The following RBFOX3 variants were observed in gnomAD, a reference collection of about 807,000 sequenced individuals.
The protein encoded by RBFOX3 is RNA binding fox-1 homolog 3.
In RBFOX3, 17 loss-of-function variants were observed where a neutral mutation model predicts 48.7. The ratio of observed to expected loss-of-function variants is 0.35; its 90% CI spans 0.24 to 0.52. RBFOX3 has a LOEUF of 0.52. RBFOX3 is among the 20% of genes least tolerant of loss of function. The pLI, the probability that RBFOX3 is intolerant of heterozygous loss-of-function variation, is 0.94. For missense variants in RBFOX3, 382 were observed against 497.5 expected, an observed-to-expected ratio of 0.77 and a Z score of 2.21; for synonymous variants, 212 against 209.5, an observed-to-expected ratio of 1.01 and a Z score of -0.10.
At chr17:79,420,170 C>T (rs1404056844) in intron 2 of RBFOX3, among the ~76,000 whole-genome samples, 2 of 82,748 alleles carry the variant, frequency 2.4e-5, no homozygotes, top group African/African-American at 7.8e-5. Context: ...CACACACACA[C>T]ACACAAAAGA....
At chr17:79,261,751 G>A (rs191295266) in intron 3 of RBFOX3, among the ~76,000 whole-genome samples, 300 of 152,304 alleles carry the variant, frequency 2.0e-3, no homozygotes, top group African/African-American at 6.9e-3. Flanking sequence ...GGGGACCTTG[G>A]TGTGAAACCA....
At chr17:79,153,037 G>T (rs1414713181) in intron 4 of RBFOX3, among the ~76,000 whole-genome samples, 2 of 152,200 alleles carry the variant, frequency 1.3e-5, no homozygotes, top group African/African-American at 2.4e-5. Context: ...TGCAGGGCAG[G>T]ACATCTGCCC....
chr17:79,154,884 G>A (rs2045421483), intron 4 of RBFOX3, among the ~76,000 whole-genome samples: 2 of 146,138 alleles, frequency 1.4e-5, no homozygotes, highest in South Asian at 2.3e-4. Context: ...CAGGTGGGCA[G>A]GACATCCCCA....
chr17:79,159,707 G>C (rs2046553603), intron 4 of RBFOX3, among the ~76,000 whole-genome samples: 1 of 151,982 alleles, frequency 6.6e-6, no homozygotes, highest in South Asian at 2.1e-4. Context: ...CACACACACA[G>C]AGTGACGTGC....
intron 2 of RBFOX3, among the ~76,000 whole-genome samples, chr17:79,319,447 A>C (rs1470424617): frequency 6.6e-6 from 1 of 152,218 alleles, no homozygotes; most frequent in Non-Finnish European, 1.5e-5. Context: ...GGCTCGGCCT[A>C]CTTTCAGCCT....
rs368963249 is a variant in RBFOX3, at chr17:79,275,123, C to CCTCT, written c.-74+32597_-74+32600dup. ...CTCTCTGCCTCTCTCTCCATGTCTCCCTCTCTCTCTCTCTCTCTCTCTCTC... is the reference window on the plus strand; with the variant it reads ...CTCTCTGCCTCTCTCTCCATGTCTCCCTCTCTCTCTCTCTCTCTCTCTCTCTCTC... On this transcript the variant is annotated intron_variant, in intron 3 of 14. Coordinates refer to ENST00000693108, the MANE Select transcript of RBFOX3 (RefSeq NM_001350451.2). Among the ~76,000 whole-genome samples, 981 of 130,632 alleles carry CCTCT rather than the reference C, an allele frequency of 7.5e-3. 19 individuals are homozygous for CCTCT. The highest frequency in any genetic ancestry group is 0.024 in the African/African-American group (795 of 33,758). 85.7% of individuals were successfully genotyped at this position (130,632 alleles called of 152,430 possible).
intron 1 of RBFOX3, among the ~76,000 whole-genome samples, chr17:79,554,424 CCT>C: frequency 8.6e-6 from 1 of 115,902 alleles, no homozygotes; most frequent in Non-Finnish European, 1.7e-5. Flanking sequence ...CACAGTCACC[CCT>C]CACCTGGCCC....
At position 79,151,990 on chromosome 17, in the gene RBFOX3, A is replaced by G. The variant is rs917342888; in HGVS notation, c.-33-36242T>C. On this transcript the variant is annotated intron_variant, in intron 4 of 14. Transcript: ENST00000693108. Reference sequence around the variant, plus strand: ...GGAGCTCCCACATCCCCCATCCCCAAGGCCCCCTGTCCCGCAGGGGAGAAC... The same window carrying G: ...GGAGCTCCCACATCCCCCATCCCCAGGGCCCCCTGTCCCGCAGGGGAGAAC... Among the ~76,000 whole-genome samples, 3 of 151,696 alleles carry G rather than the reference A, an allele frequency of 2.0e-5. 1 individual carries two copies.
chr17:79,627,653 C>T, the RBFOX3 span, among the ~76,000 whole-genome samples: 1 of 152,254 alleles, frequency 6.6e-6, no homozygotes, highest in African/African-American at 2.4e-5. Context: ...CTTCCTGCTT[C>T]TCTTCTGCAG....
intron 4 of RBFOX3, among the ~76,000 whole-genome samples, chr17:79,156,882 T>C (rs1284809999): frequency 6.6e-6 from 1 of 152,208 alleles, no homozygotes; most frequent in African/African-American, 2.4e-5. Context: ...GGAAACGGCA[T>C]GCTGGCAGGC....
chr17:79,548,233 G>A (rs2090726699), intron 1 of RBFOX3, among the ~76,000 whole-genome samples: 1 of 152,186 alleles, frequency 6.6e-6, no homozygotes, highest in Non-Finnish European at 1.5e-5. Flanking sequence ...GTCCACCCAG[G>A]AGGGCCCAGC....
At chr17:79,578,860 C>A (rs1179245066) in intron 1 of RBFOX3, among the ~76,000 whole-genome samples, 1 of 152,220 alleles carries the variant, frequency 6.6e-6, no homozygotes, top group South Asian at 2.1e-4. Context: ...TTGCCCAGGG[C>A]TGACCTCAGG....
chr17:79,167,048 G>C (rs1002869086), intron 4 of RBFOX3, among the ~76,000 whole-genome samples: 1 of 152,184 alleles, frequency 6.6e-6, no homozygotes, highest in Non-Finnish European at 1.5e-5. Flanking sequence ...CAAGACCCCC[G>C]GCAAGGCGGG....
intron 3 of RBFOX3, among the ~76,000 whole-genome samples, chr17:79,284,348 T>C (rs2071338458): frequency 6.6e-6 from 1 of 152,208 alleles, no homozygotes; most frequent in Non-Finnish European, 1.5e-5. Context: ...CAATATTTAA[T>C]AACTTTCTTC....
intron 4 of RBFOX3, among the ~76,000 whole-genome samples, chr17:79,161,770 A>AT (rs55786117): frequency 0.98 from 149,636 of 152,250 alleles, 73,582 homozygotes; most frequent in East Asian, 1. Context: ...TAATTTTTGT[A>AT]TTTTCCTAGA....
chr17:79,206,315 G>A (rs987847680), intron 4 of RBFOX3, among the ~76,000 whole-genome samples: 6 of 152,216 alleles, frequency 3.9e-5, no homozygotes, highest in East Asian at 1.9e-4. Flanking sequence ...AAGGCTATCC[G>A]TTTTGAGTAG....
chr17:79,531,805 T>C (rs1345842090), intron 1 of RBFOX3, among the ~76,000 whole-genome samples: 2 of 152,254 alleles, frequency 1.3e-5, no homozygotes, highest in African/African-American at 4.8e-5. Flanking sequence ...TTCCTGAAAA[T>C]CTGTGTCCAG....
At chr17:79,149,499 G>A (rs1055117269) in intron 4 of RBFOX3, among the ~76,000 whole-genome samples, 1 of 152,128 alleles carries the variant, frequency 6.6e-6, no homozygotes, top group African/African-American at 2.4e-5. Context: ...TCAGTGAGAA[G>A]GACTTTGGTG....
At chr17:79,286,756 C>A (rs1405993755) in intron 3 of RBFOX3, among the ~76,000 whole-genome samples, 1 of 152,154 alleles carries the variant, frequency 6.6e-6, no homozygotes, top group East Asian at 1.9e-4. Context: ...CCAGGCTGTG[C>A]GTTAACATAG....
Sources: allele counts gnomAD v4.1 joint callset (sites outside exome capture counted in the v4.1 genomes callset), GRCh38; gene constraint gnomAD v4.1.1; transcripts MANE v1.5; gene names NCBI Gene and HGNC (gene_info 2026-07-23, HGNC 2026-07-21).